DCHS2: variants seen among roughly 807,000 people sequenced by gnomAD.
The protein encoded by DCHS2 is dachsous cadherin-related 2.
In DCHS2, 142 loss-of-function variants were observed where a neutral mutation model predicts 182.4. The ratio of observed to expected loss-of-function variants is 0.78; its 90% CI spans 0.68 to 0.89. The LOEUF is 0.89. Ranked by LOEUF, DCHS2 falls within the 40% of genes least tolerant of loss-of-function variation. DCHS2 has a pLI of 0.00. For missense variants in DCHS2, 4,319 were observed against 4,198.6 expected, an observed-to-expected ratio of 1.03 and a Z score of -0.79; for synonymous variants, 1,740 against 1,663.3, an observed-to-expected ratio of 1.05 and a Z score of -1.12.
intron 10 of DCHS2, among the ~76,000 whole-genome samples, chr4:154,311,427 G>T (rs1393848815): frequency 6.6e-6 from 1 of 151,244 alleles, no homozygotes; most frequent in African/African-American, 2.4e-5. Flanking sequence ...TAAAGGTGAG[G>T]TCTTGCTATG....
At chr4:154,380,674 G>A (rs1313866147) in intron 1 of DCHS2, among the ~76,000 whole-genome samples, 3 of 152,074 alleles carry the variant, frequency 2.0e-5, no homozygotes, top group Non-Finnish European at 4.4e-5. Flanking sequence ...ACAAAAGTAG[G>A]ATAAAAGTAT....
chr4:154,281,894 A>G (rs1734166033), intron 13 of DCHS2, among the ~76,000 whole-genome samples: 1 of 152,144 alleles, frequency 6.6e-6, no homozygotes, highest in African/African-American at 2.4e-5. Flanking sequence ...GATCAAATGA[A>G]CTTCAATAAG....
intron 1 of DCHS2, among the ~76,000 whole-genome samples, chr4:154,432,861 G>A (rs575053101): frequency 5.3e-5 from 8 of 152,254 alleles, no homozygotes; most frequent in Admixed American, 3.9e-4. Context: ...GGAAAGCAGG[G>A]TGTCTACTCC....
intron 15 of DCHS2, among the ~76,000 whole-genome samples, chr4:154,256,283 GCCA>G (rs1413528914): frequency 6.6e-6 from 1 of 151,964 alleles, no homozygotes; most frequent in African/African-American, 2.4e-5. Flanking sequence ...AGTAGCATGC[GCCA>G]CCATGCCCAG....
chr4:154,403,317 A>G (rs1447143816), intron 1 of DCHS2, among the ~76,000 whole-genome samples: 1 of 152,150 alleles, frequency 6.6e-6, no homozygotes, highest in African/African-American at 2.4e-5. Context: ...TGCCCTTATT[A>G]GGTCCTATTT....
In DCHS2 at chr4:154,235,727, A is replaced by C; in HGVS notation, c.8925T>G (p.Phe2975Leu). The C allele has an allele frequency of 6.2e-7, 1 of 1,613,988 alleles. No individual in the cohort carries two copies. The part of the protein sequence containing the change: ...SDSKFASCTV[F>L]VNVSFSSEGT... ...CTTCAGAGGAGAAAGACACATTCAC[A>C]AAAACAGTGCAAGATGCAAACTTGG... The change falls in exon 20 of 20, where the codon TTT (phenylalanine) becomes TTG (leucine). Residue 2975 changes from phenylalanine (F) to leucine (L), a missense_variant. Physicochemically the swap from Phe to Leu is conservative, Grantham distance 22. Coordinates refer to ENST00000357232, the MANE Select transcript of DCHS2 (RefSeq NM_001358235.2).
chr4:154,406,716 G>T (rs1345434283), intron 1 of DCHS2, among the ~76,000 whole-genome samples: 2 of 152,158 alleles, frequency 1.3e-5, no homozygotes, highest in African/African-American at 4.8e-5. Flanking sequence ...ATATGTACTT[G>T]TGGAAAGAAA....
intron 8 of DCHS2, 121 bp from the exon 9 acceptor site, chr4:154,321,343 T>A: frequency 9.2e-7 from 1 of 1,092,634 alleles, no homozygotes; most frequent in Non-Finnish European, 1.2e-6. Context: ...TGTTAATTAG[T>A]GAGAAAAATG....
intron 1 of DCHS2, among the ~76,000 whole-genome samples, chr4:154,481,332 G>A (rs1018731591): frequency 2.0e-5 from 3 of 152,140 alleles, no homozygotes; most frequent in African/African-American, 7.2e-5. Context: ...CGCAATCATG[G>A]TTCACTGCAG....
intron 3 of DCHS2, among the ~76,000 whole-genome samples, chr4:154,341,091 G>T (rs1006130575): frequency 1.4e-4 from 21 of 152,146 alleles, no homozygotes; most frequent in African/African-American, 5.1e-4. Context: ...GTTTTCGCCC[G>T]GGCGCGGTGG....
rs575845179 is a variant in DCHS2, at chr4:154,323,645, T to C, written c.4019-1157A>G. ...CAAAACTTTTTGAGTACTGACATGA[T>C]GCTACAACAAGAAAAACTCTACGCC... is the stretch of plus-strand genomic sequence containing the variant. On this transcript the variant is annotated intron_variant, in intron 7 of 19. Transcript: ENST00000357232. Among the ~76,000 whole-genome samples the C allele has an allele frequency of 3.3e-4, 51 of 152,328 alleles. 1 individual carries two copies. The highest frequency in any genetic ancestry group is 6.8e-3 in the Middle Eastern group (2 of 294).
At chr4:154,272,975 G>A (rs2111212310) in intron 13 of DCHS2, among the ~76,000 whole-genome samples, 1 of 152,118 alleles carries the variant, frequency 6.6e-6, no homozygotes, top group African/African-American at 2.4e-5. Flanking sequence ...CTTCCTCATA[G>A]TTCCACTTCT....
At chr4:154,412,661 G>A (rs1439577740) in intron 1 of DCHS2, among the ~76,000 whole-genome samples, 1 of 152,184 alleles carries the variant, frequency 6.6e-6, no homozygotes, top group Non-Finnish European at 1.5e-5. Context: ...TAAAATGTGG[G>A]AGATCATTTC....
intron 1 of DCHS2, among the ~76,000 whole-genome samples, chr4:154,406,872 C>T (rs560031107): frequency 2.0e-5 from 3 of 152,284 alleles, no homozygotes; most frequent in South Asian, 2.1e-4. Flanking sequence ...TAAGTGACTG[C>T]GTTGGAAAGG....
intron 1 of DCHS2, chr4:154,391,137 A>G (rs1441992869): frequency 1.3e-6 from 2 of 1,590,176 alleles, no homozygotes; most frequent in Non-Finnish European, 1.7e-6. Flanking sequence ...ATAAAAGCTG[A>G]TACTTATTTT....
At position 154,450,296 on chromosome 4, in the gene DCHS2, G is replaced by A. The variant is rs1367487758; in HGVS notation, c.2052+39008C>T. Among the ~76,000 whole-genome samples, 10 of 152,186 alleles carry A rather than the reference G, an allele frequency of 6.6e-5. 1 individual carries two copies. The South Asian group carries it at 8.3e-4, about 13-fold the overall frequency. On this transcript the variant is annotated intron_variant, in intron 1 of 19. Transcript: ENST00000357232. ...GACTTTAATGAGATTTGACTTGAAC[G>A]GTACTTGAATGCTGTTAAGTACTGG...
At chr4:154,442,541 C>CAA (rs1262654094) in intron 1 of DCHS2, among the ~76,000 whole-genome samples, 1 of 50,298 alleles carries the variant, frequency 2.0e-5, no homozygotes, top group Non-Finnish European at 3.9e-5. Flanking sequence ...CCCCCCCCCC[C>CAA]CACACACACA....
At chr4:154,391,681 A>C (rs2110849789) in intron 1 of DCHS2, among the ~76,000 whole-genome samples, 1 of 152,280 alleles carries the variant, frequency 6.6e-6, no homozygotes, top group South Asian at 2.1e-4. Flanking sequence ...AAGAATCCAA[A>C]GTAAAAGGTG....
chr4:154,465,668 C>G (rs1396591613), intron 1 of DCHS2, among the ~76,000 whole-genome samples: 4 of 136,082 alleles, frequency 2.9e-5, no homozygotes, highest in Non-Finnish European at 6.4e-5. Context: ...GACCCCATCT[C>G]AAAAAAAAAA....
Sources: gnomAD v4.1 joint callset for allele counts (sites outside exome capture counted in the v4.1 genomes callset) on GRCh38, gnomAD v4.1.1 for gene constraint, MANE v1.5 for transcripts, NCBI Gene and HGNC (gene_info 2026-07-23, HGNC 2026-07-21) for gene names.